The following RHOT1 variants were observed in gnomAD, a reference collection of about 807,000 sequenced individuals.
RHOT1 encodes ras homolog family member T1.
RHOT1 carries 27 observed loss-of-function variants against 95.3 expected under a neutral mutation model. The observed-to-expected ratio is 0.28, with a 90% confidence interval of 0.21 to 0.39. The LOEUF (loss-of-function observed/expected upper bound fraction) is 0.39, where lower values mean the gene tolerates loss of function less well. RHOT1 is among the 10% of genes least tolerant of loss of function. RHOT1 has a pLI of 1.00. For synonymous variants in RHOT1, 227 were observed against 263.5 expected, an observed-to-expected ratio of 0.86 and a Z score of 1.34; for missense variants, 578 against 786.7, an observed-to-expected ratio of 0.73 and a Z score of 3.17.
intron 17 of RHOT1, among the ~76,000 whole-genome samples, chr17:32,207,825 G>A (rs1185906569): frequency 6.7e-6 from 1 of 149,642 alleles, no homozygotes; most frequent in Non-Finnish European, 1.5e-5. Flanking sequence ...TTCAAAATAT[G>A]TGTGTTTAAT....
At chr17:32,144,418 C>T (rs917406138) in intron 1 of RHOT1, among the ~76,000 whole-genome samples, 2 of 152,088 alleles carry the variant, frequency 1.3e-5, no homozygotes, top group African/African-American at 4.8e-5. Flanking sequence ...TGTGGTGGCA[C>T]ACACCTGTAG....
intron 1 of RHOT1, among the ~76,000 whole-genome samples, chr17:32,148,041 G>A (rs779272981): frequency 1.3e-5 from 2 of 152,224 alleles, no homozygotes; most frequent in East Asian, 3.9e-4. Flanking sequence ...TGAGGCGGGC[G>A]GATCACAAGG....
chr17:32,161,288 AT>A (rs1172677010), intron 1 of RHOT1, among the ~76,000 whole-genome samples: 2 of 152,160 alleles, frequency 1.3e-5, no homozygotes, highest in African/African-American at 4.8e-5. Flanking sequence ...TCAGCCGCTG[AT>A]TGGGGGCCAC....
chr17:32,199,349 A>C, intron 12 of RHOT1, 56 bp from the exon 13 acceptor site: 2 of 1,516,742 alleles, frequency 1.3e-6, no homozygotes, highest in Non-Finnish European at 1.8e-6. Context: ...GGGGCTTTTG[A>C]GTTGGGAATT....
At chr17:32,151,861 G>A (rs1245973043) in intron 1 of RHOT1, among the ~76,000 whole-genome samples, 1 of 137,602 alleles carries the variant, frequency 7.3e-6, no homozygotes, top group Non-Finnish European at 1.5e-5. Context: ...CAGCCTGGGC[G>A]ACAGAGCGAG....
rs1438231503 is a variant in RHOT1 at position 32,199,013 on chromosome 17, C to G, written c.936C>G (p.Thr312=). The G allele has an allele frequency of 6.2e-7, 1 of 1,607,356 alleles. No individual in the cohort carries two copies. The highest frequency in any genetic ancestry group is 8.5e-7 in the Non-Finnish European group (1 of 1,174,452). ...NHHAYLFLQS[T]FDKHDLDRDC... ...ATGCATATTTATTTCTCCAAAGCAC[C>G]TTTGACAAGCATGATTTGGTAAGCC... The change falls in exon 12 of 20, where the codon ACC becomes ACG. Residue 312 remains threonine, a synonymous_variant. Transcript: ENST00000545287.
chr17:32,202,756 A>T lies in RHOT1; in HGVS notation c.1202-14A>T. 1 of 1,549,060 alleles carries T rather than the reference A, an allele frequency of 6.5e-7. No individual in the cohort carries two copies. On this transcript the variant is annotated splice_polypyrimidine_tract_variant and intron_variant, in intron 14 of 19. Transcript: ENST00000545287. ...TACATATTTAGTGGGGTTTTTTATT[A>T]TTATTATTTTTAGTGACAAGAGATA...
chr17:32,158,301 A>G (rs951214833), intron 1 of RHOT1, among the ~76,000 whole-genome samples: 8 of 152,240 alleles, frequency 5.3e-5, no homozygotes, highest in Non-Finnish European at 1.0e-4. Context: ...GTAGAAGCGT[A>G]AGTTAATACC....
intron 1 of RHOT1, among the ~76,000 whole-genome samples, chr17:32,149,199 A>T (rs981559893): frequency 2.6e-5 from 4 of 152,016 alleles, no homozygotes; most frequent in African/African-American, 4.8e-5. Flanking sequence ...TATCAAATGT[A>T]TTTATATTAC....
At chr17:32,151,450 A>C in intron 1 of RHOT1, 1 of 629,260 alleles carries the variant, frequency 1.6e-6, no homozygotes, top group Non-Finnish European at 2.9e-6. Context: ...TGTTGGAATC[A>C]TTCCTGTTGA....
intron 11 of RHOT1, 29 bp from the exon 12 acceptor site, chr17:32,198,918 T>C: frequency 7.1e-7 from 1 of 1,418,426 alleles, no homozygotes; most frequent in Non-Finnish European, 9.9e-7. Context: ...TGATTAATGA[T>C]TTATTTTACT....
At chr17:32,143,510 A>G (rs1011744481) in intron 1 of RHOT1, among the ~76,000 whole-genome samples, 1 of 152,218 alleles carries the variant, frequency 6.6e-6, no homozygotes, top group African/African-American at 2.4e-5. Flanking sequence ...TTTAAGCATT[A>G]TTTATTCCAT....
At position 32,146,929 on chromosome 17, in the gene RHOT1, A is replaced by G. The variant is rs761766191; in HGVS notation, c.37+4200A>G. 4.5e-3 allele frequency among the ~76,000 whole-genome samples: 492 copies of G among 109,974 alleles called. 2 individuals carry two copies. The highest frequency in any genetic ancestry group is 5.7e-3 in the Non-Finnish European group (326 of 57,034). The allele number at this position is 109,974 out of a possible 152,430, so 72.1% of individuals were successfully genotyped here. On this transcript the variant is annotated intron_variant, in intron 1 of 19. Transcript: ENST00000545287. ...TTTTTTTTTTTTTTTTTTTTTTAGTAGAGAGGGTTTCACTGTGTTGGCCAG... is the reference window on the plus strand; with the variant it reads ...TTTTTTTTTTTTTTTTTTTTTTAGTGGAGAGGGTTTCACTGTGTTGGCCAG...
chr17:32,151,531 C>A lies in RHOT1; in HGVS notation c.37+8802C>A, dbSNP rs143977154. 6.8e-5 allele frequency: 36 copies of A among 527,844 alleles called. No individual in the cohort carries two copies. The East Asian group carries it at 1.5e-3, about 22-fold the overall frequency. The allele number at this position is 527,844 out of a possible 1,614,324, so 32.7% of individuals were successfully genotyped here. On this transcript the variant is annotated intron_variant, in intron 1 of 19. Coordinates refer to ENST00000545287, the MANE Select transcript of RHOT1 (RefSeq NM_001033566.3). Reference sequence around the variant, plus strand: ...TGGTTTCTGAAATCTGTCATGAATCCCCTTAGACCATTTTCAGTCCTGCGC... The same window carrying A: ...TGGTTTCTGAAATCTGTCATGAATCACCTTAGACCATTTTCAGTCCTGCGC...
intron 1 of RHOT1, among the ~76,000 whole-genome samples, chr17:32,153,396 T>A (rs2032559251): frequency 6.6e-6 from 1 of 152,166 alleles, no homozygotes; most frequent in South Asian, 2.1e-4. Context: ...CTGTGGCTCA[T>A]GCCTATAATG....
chr17:32,157,192 A>G (rs1294638322), intron 1 of RHOT1, among the ~76,000 whole-genome samples: 1 of 152,182 alleles, frequency 6.6e-6, no homozygotes, highest in African/African-American at 2.4e-5. Context: ...TTCCCATTAC[A>G]TTGTCCTCTC....
At chr17:32,154,621 A>G (rs2032739939) in intron 1 of RHOT1, among the ~76,000 whole-genome samples, 1 of 148,730 alleles carries the variant, frequency 6.7e-6, no homozygotes, top group Non-Finnish European at 1.5e-5. Flanking sequence ...GACCGGGTGC[A>G]GTGGCTCATG....
intron 1 of RHOT1, among the ~76,000 whole-genome samples, chr17:32,153,618 C>T (rs888845644): frequency 6.6e-6 from 1 of 152,150 alleles, no homozygotes; most frequent in Admixed American, 6.5e-5. Context: ...ATGATCATGC[C>T]ACTGTACTCT....
intron 6 of RHOT1, among the ~76,000 whole-genome samples, chr17:32,178,214 AG>A (rs199917947): frequency 7.5e-4 from 28 of 37,200 alleles, no homozygotes; most frequent in Admixed American, 1.3e-3. Context: ...CCCCCCCCCC[AG>A]TGATCTCCCT....
Sources: gnomAD v4.1 joint callset for allele counts (sites outside exome capture counted in the v4.1 genomes callset) on GRCh38, gnomAD v4.1.1 for gene constraint, MANE v1.5 for transcripts, NCBI Gene and HGNC (gene_info 2026-07-23, HGNC 2026-07-21) for gene names.